WDR33: variants seen among roughly 807,000 people sequenced by gnomAD.
The protein encoded by WDR33 is pre-mRNA 3' end processing protein WDR33.
In WDR33, 47 loss-of-function variants were observed where a neutral mutation model predicts 164.9. The ratio of observed to expected loss-of-function variants is 0.29; its 90% CI spans 0.23 to 0.36. WDR33 has a LOEUF of 0.36. Among genes scored for constraint, WDR33 ranks in the 10% least tolerant of loss-of-function variants. The pLI is 1.00. For synonymous variants in WDR33, 505 were observed against 589.0 expected (o/e 0.86, Z 2.06); for missense variants, 1,137 against 1,754.1 (o/e 0.65, Z 6.28).
At position 127,784,384 on chromosome 2, in the gene WDR33, T is replaced by A. The variant is rs371858495; in HGVS notation, c.-23-13380A>T. ...ATGTGTCATCTGAAATCATATTTTT[T>A]ATTCTTTTTTTGTTTTTCGAGACAG... On this transcript the variant is annotated intron_variant, in intron 1 of 21. Coordinates refer to ENST00000322313, the MANE Select transcript of WDR33 (RefSeq NM_018383.5). 1.7e-4 allele frequency among the ~76,000 whole-genome samples: 26 copies of A among 152,298 alleles called. No individual in the cohort carries two copies. In the South Asian group the frequency reaches 5.4e-3, roughly 32 times the overall value.
At position 127,764,446 on chromosome 2, in the gene WDR33, G is replaced by T; in HGVS notation, c.626+382C>A. 1 of 1,451,510 alleles carries T rather than the reference G, an allele frequency of 6.9e-7. No individual in the cohort carries two copies. The highest frequency in any genetic ancestry group is 1.4e-5 in the African/African-American group (1 of 69,760). 89.9% of individuals were successfully genotyped at this position (1,451,510 alleles called of 1,614,324 possible). On this transcript the variant is annotated intron_variant, in intron 6 of 21. Coordinates refer to ENST00000322313, the MANE Select transcript of WDR33 (RefSeq NM_018383.5). This position sits in a 1 kb window ranked among gnomAD's most constrained non-coding sequence, Gnocchi z 6.2. ...GTGAATTCTGAAGTTGTTTTCTGTA[G>T]GCTTTAGATTTTATTCAGTTGCATA... is the stretch of plus-strand genomic sequence containing the variant.
At chr2:127,783,749 C>T (rs1021022484) in intron 1 of WDR33, among the ~76,000 whole-genome samples, 1 of 151,568 alleles carries the variant, frequency 6.6e-6, no homozygotes, top group Admixed American at 6.6e-5. Context: ...AGATTACAGG[C>T]GTGCACCACC....
chr2:127,761,287 G>T (rs1335935356), intron 7 of WDR33, among the ~76,000 whole-genome samples: 1 of 151,662 alleles, frequency 6.6e-6, no homozygotes, highest in South Asian at 2.1e-4. Flanking sequence ...TGCAAGCTCC[G>T]CCACCTGGAT....
At chr2:127,796,621 C>A (rs965624516) in intron 1 of WDR33, among the ~76,000 whole-genome samples, 1 of 152,022 alleles carries the variant, frequency 6.6e-6, no homozygotes, top group Non-Finnish European at 1.5e-5. Context: ...CTCTCATTTC[C>A]TCTTTCCTGT....
intron 7 of WDR33, among the ~76,000 whole-genome samples, chr2:127,748,126 C>G (rs570060237): frequency 1.3e-5 from 2 of 152,204 alleles, no homozygotes; most frequent in Non-Finnish European, 2.9e-5. Context: ...TGTTGATACC[C>G]AATCATAGAA....
At chr2:127,790,995 C>T (rs1002567495) in intron 1 of WDR33, among the ~76,000 whole-genome samples, 4 of 151,692 alleles carry the variant, frequency 2.6e-5, no homozygotes, top group African/African-American at 9.7e-5. Flanking sequence ...CACTTGGGCC[C>T]CCTCCTTAAC....
At chr2:127,757,946 T>C (rs1687567873) in intron 7 of WDR33, among the ~76,000 whole-genome samples, 1 of 152,184 alleles carries the variant, frequency 6.6e-6, no homozygotes, top group South Asian at 2.1e-4. Context: ...ACAAAAGTAT[T>C]AGTAATCATA....
chr2:127,775,123 A>G (rs767755102), intron 1 of WDR33, among the ~76,000 whole-genome samples: 2 of 152,212 alleles, frequency 1.3e-5, no homozygotes, highest in Non-Finnish European at 2.9e-5. Flanking sequence ...TAAAATGGCT[A>G]CAACAGTGAA....
chr2:127,800,409 C>A (rs995791584), intron 1 of WDR33, among the ~76,000 whole-genome samples: 1 of 151,930 alleles, frequency 6.6e-6, no homozygotes, highest in Non-Finnish European at 1.5e-5. Flanking sequence ...CCGCGGCAGG[C>A]GGATCATGAG....
intron 1 of WDR33, among the ~76,000 whole-genome samples, chr2:127,789,519 GC>G (rs1415613414): frequency 2.0e-5 from 3 of 146,562 alleles, no homozygotes; most frequent in African/African-American, 7.6e-5. Context: ...GGCCAACACA[GC>G]GAAACCCCGT....
At chr2:127,740,413 G>A (rs538023219) in intron 7 of WDR33, among the ~76,000 whole-genome samples, 42 of 151,806 alleles carry the variant, frequency 2.8e-4, no homozygotes, top group Admixed American at 1.9e-3. Context: ...ATACACACAC[G>A]CTGGGTGTCA....
At chr2:127,778,241 A>G (rs1453425459) in intron 1 of WDR33, among the ~76,000 whole-genome samples, 2 of 152,106 alleles carry the variant, frequency 1.3e-5, no homozygotes, top group African/African-American at 4.8e-5. Context: ...GTTCGAGACC[A>G]GCCTGGCCAA....
chr2:127,805,081 T>TTC (rs1689387152), intron 1 of WDR33, among the ~76,000 whole-genome samples: 1 of 135,600 alleles, frequency 7.4e-6, no homozygotes, highest in African/African-American at 2.8e-5. Context: ...TTTTTTTTTT[T>TTC]TTTTTTTTTT....
At chr2:127,753,535 T>C (rs776336771) in intron 7 of WDR33, among the ~76,000 whole-genome samples, 3 of 152,252 alleles carry the variant, frequency 2.0e-5, no homozygotes, top group African/African-American at 4.8e-5. Flanking sequence ...GGACACAAAA[T>C]ATTGTAACTT....
intron 7 of WDR33, among the ~76,000 whole-genome samples, chr2:127,733,704 A>T (rs1031121516): frequency 1.3e-5 from 2 of 151,578 alleles, no homozygotes; most frequent in Non-Finnish European, 2.9e-5. Context: ...TTCCGTCGTC[A>T]CAAAACAAAA....
intron 7 of WDR33, among the ~76,000 whole-genome samples, chr2:127,753,953 GA>G (rs1230112781): frequency 6.6e-6 from 1 of 152,170 alleles, no homozygotes; most frequent in Non-Finnish European, 1.5e-5. Flanking sequence ...GGGGCATGAA[GA>G]AATCTTTGAC....
Position 127,724,354 on chromosome 2 carries a change from G to A in WDR33, c.1175C>T (p.Ser392Leu). 1 of 1,614,106 alleles carries A rather than the reference G, an allele frequency of 6.2e-7. No homozygotes were observed. Among genetic ancestry groups the A allele is most frequent in the Non-Finnish European group, 8.5e-7 (1 of 1,179,998 alleles). Residue 392 changes from serine (S) to leucine (L), a missense_variant, in exon 11 of 22, where the codon TCA (serine) becomes TTA (leucine). This residue lies in a region of WDR33 where 21 missense variants were observed against 102.2 expected (regional missense o/e 0.21). Coordinates refer to ENST00000322313, the MANE Select transcript of WDR33 (RefSeq NM_018383.5). This position sits in a 1 kb window ranked among gnomAD's most constrained non-coding sequence, Gnocchi z 4.8. Reference protein sequence around the residue: ...AWHPLGHILCSGSNDHTSKFW... With the variant: ...AWHPLGHILCLGSNDHTSKFW... ...TTACCTAGTATGGTCATTTGAGCCT[G>A]AGCAGAGAATATGCCCAAGAGGATG... is the stretch of plus-strand genomic sequence containing the variant.
chr2:127,748,296 A>C (rs1030370217), intron 7 of WDR33, among the ~76,000 whole-genome samples: 2 of 152,194 alleles, frequency 1.3e-5, no homozygotes, highest in African/African-American at 4.8e-5. Flanking sequence ...TGCTGCAATG[A>C]GCAATAAATC....
rs1686240426 is a variant in WDR33, at chr2:127,713,924, A to G, written c.2967T>C (p.Pro989=). The stretch of plus-strand genomic sequence containing the variant: ...CCCTGCAGTCCTGGCCACCCCGGAA[A>G]GGCCCCCTCTCGGGCCCATGCTCAG... ...GGPEHGPERG[P]FRGGQDCRGP... The change falls in exon 18 of 22, where the codon CCT becomes CCC. Residue 989 remains proline (P), a synonymous_variant. Transcript: ENST00000322313. This position sits in a 1 kb window ranked among gnomAD's most constrained non-coding sequence, Gnocchi z 6.2. The G allele has an allele frequency of 1.2e-6, 2 of 1,609,576 alleles. No homozygotes were observed. The highest frequency in any genetic ancestry group is 1.3e-5 in the African/African-American group (1 of 74,856).
Sources: allele counts gnomAD v4.1 joint callset (sites outside exome capture counted in the v4.1 genomes callset), GRCh38; gene constraint gnomAD v4.1.1; regional missense constraint gnomAD v4.1.1; non-coding constraint Gnocchi (gnomAD v3.1); transcripts MANE v1.5; gene names NCBI Gene and HGNC (gene_info 2026-07-23, HGNC 2026-07-21).